Variants in MSN observed in about 807,000 individuals in gnomAD.
MSN encodes epididymis luminal protein 70.
MSN carries 2 observed loss-of-function variants against 48.0 expected under a neutral mutation model. That is an observed-to-expected ratio of 0.04 (90% confidence interval 0.02 to 0.13). MSN has a LOEUF of 0.13. Among genes scored for constraint, MSN ranks in the 10% least tolerant of loss-of-function variants. The pLI, the probability that MSN is intolerant of heterozygous loss-of-function variation, is 1.00. For missense variants in MSN, 267 were observed against 470.1 expected, an observed-to-expected ratio of 0.57 and a Z score of 3.99; for synonymous variants, 146 against 166.9, an observed-to-expected ratio of 0.87 and a Z score of 0.97.
intron 4 of MSN, among the ~76,000 whole-genome samples, chrX:65,730,066 C>A (rs2071608015): frequency 9.0e-6 from 1 of 111,607 alleles, no homozygotes. Context: ...ATCAGAAGTT[C>A]ACAGGGGAGA....
chrX:65,728,116 G>T (rs1359007724), intron 3 of MSN, among the ~76,000 whole-genome samples: 1 of 111,414 alleles, frequency 9.0e-6, no homozygotes, highest in Admixed American at 9.5e-5. Context: ...TTCTAACAGC[G>T]ACAATGGCCA....
At position 65,740,730 on chromosome X, in the gene MSN, G is replaced by A. The variant is rs2071728929; in HGVS notation, c.*837G>A. ...ATTCCAGATCTGCAGTCACTTCGTG[G>A]GATCTGCCCCTCCCTGCTTCAATAC... On this transcript the variant is annotated 3_prime_UTR_variant, in exon 13 of 13. Transcript: ENST00000360270. 1 of 172,631 alleles carries A rather than the reference G, an allele frequency of 5.8e-6. No homozygotes were observed. Among genetic ancestry groups the A allele is most frequent in the South Asian group, 3.2e-4 (1 of 3,154 alleles). The allele number at this position is 172,631 out of a possible 1,213,427, so 14.2% of individuals were successfully genotyped here.
chrX:65,643,404 G>GA (rs1237408294), intron 1 of MSN, among the ~76,000 whole-genome samples: 1 of 110,583 alleles, frequency 9.0e-6, no homozygotes, highest in Non-Finnish European at 1.9e-5. Context: ...GCAAGAGTGG[G>GA]AGGAGACGTT....
chrX:65,619,416 C>A (rs377700061), intron 1 of MSN, among the ~76,000 whole-genome samples: 1 of 97,825 alleles, frequency 1.0e-5, no homozygotes, highest in Non-Finnish European at 1.9e-5. Context: ...TCTTTTTATT[C>A]TTTTTTCTCT....
At chrX:65,588,487 C>T (rs1183880347) in exon 1 of MSN, 4 of 700,349 alleles carry the variant, frequency 5.7e-6, no homozygotes, top group African/African-American at 2.3e-5. Context: ...CATGCAGGGG[C>T]AGCCATGAGC....
intron 1 of MSN, among the ~76,000 whole-genome samples, chrX:65,695,532 A>AAAAAAAAAAC (rs1407800960): frequency 9.3e-6 from 1 of 107,390 alleles, no homozygotes; most frequent in African/African-American, 3.4e-5. Context: ...AAAAAAAAAA[A>AAAAAAAAAAC]AACAAAGAAA....
chrX:65,684,361 G>A (rs750154113), intron 1 of MSN, among the ~76,000 whole-genome samples: 2 of 111,535 alleles, frequency 1.8e-5, no homozygotes, highest in African/African-American at 3.3e-5. Flanking sequence ...TGTCAAATCC[G>A]ATTTTAAAGT....
intron 1 of MSN, among the ~76,000 whole-genome samples, chrX:65,646,731 AGGTC>A (rs2070697136): frequency 2.7e-5 from 3 of 111,901 alleles, no homozygotes; most frequent in African/African-American, 9.7e-5. Flanking sequence ...TGATCACCTG[AGGTC>A]GGAAGTTCAA....
chrX:65,697,004 G>GAGCTTCATTTTTAC (rs2147480062), intron 1 of MSN, among the ~76,000 whole-genome samples: 1 of 110,981 alleles, frequency 9.0e-6, no homozygotes, highest in Admixed American at 9.6e-5. Context: ...TGAAGGCTGT[G>GAGCTTCATTTTTAC]AGCTAATGGC....
chrX:65,663,085 C>G (rs1364307876), upstream of MSN, among the ~76,000 whole-genome samples: 1 of 111,013 alleles, frequency 9.0e-6, no homozygotes, highest in Non-Finnish European at 1.9e-5. Context: ...TGCTGAAACC[C>G]TGTCTCTACT....
chrX:65,737,896 A>C (rs1352254205), intron 10 of MSN, among the ~76,000 whole-genome samples: 1 of 112,220 alleles, frequency 8.9e-6, no homozygotes, highest in Non-Finnish European at 1.9e-5. Context: ...GGCATTTGGC[A>C]TCCATACTTT....
chrX:65,681,231 C>T (rs1318542145), intron 1 of MSN, among the ~76,000 whole-genome samples: 1 of 111,645 alleles, frequency 9.0e-6, no homozygotes, highest in East Asian at 2.8e-4. Context: ...TTCTATGTGC[C>T]CACTGTACTT....
intron 1 of MSN, among the ~76,000 whole-genome samples, chrX:65,617,245 T>A (rs1480243947): frequency 9.1e-6 from 1 of 110,082 alleles, no homozygotes; most frequent in Non-Finnish European, 1.9e-5. Context: ...GAGGATTCCC[T>A]CTTTTTCTAT....
intron 1 of MSN, among the ~76,000 whole-genome samples, chrX:65,708,592 G>A (rs913844340): frequency 9.0e-6 from 1 of 111,049 alleles, no homozygotes. Flanking sequence ...CGTGCTTGGC[G>A]GGGTGTTTAA....
chrX:65,681,161 C>A (rs989104216), intron 1 of MSN, among the ~76,000 whole-genome samples: 8 of 111,398 alleles, frequency 7.2e-5, no homozygotes, highest in South Asian at 3.8e-4. Flanking sequence ...ATCTCCCCCC[C>A]ACTCCATGTC....
chrX:65,627,849 G>A (rs1289223341), intron 1 of MSN, among the ~76,000 whole-genome samples: 2 of 112,175 alleles, frequency 1.8e-5, no homozygotes, highest in Admixed American at 9.4e-5. Flanking sequence ...AGATACAATG[G>A]TAGTACAGGT....
chrX:65,588,412 G>GA, exon 1 of MSN: 1 of 285,503 alleles, frequency 3.5e-6, no homozygotes, highest in Non-Finnish European at 5.1e-6. Flanking sequence ...GAGGCGCCCG[G>GA]AAAACCTTAG....
upstream of MSN, among the ~76,000 whole-genome samples, chrX:65,662,803 A>G (rs1304146594): frequency 8.9e-6 from 1 of 112,493 alleles, no homozygotes; most frequent in African/African-American, 3.2e-5. Flanking sequence ...AATTAAACTA[A>G]AGAGTTTCTG....
chrX:65,660,120 A>G (rs950489722), intron 1 of MSN, among the ~76,000 whole-genome samples: 3 of 111,942 alleles, frequency 2.7e-5, no homozygotes, highest in Non-Finnish European at 1.9e-5. Context: ...CGTAACTGAG[A>G]TGAGTCCCTG....
Sources: gnomAD v4.1 joint callset for allele counts (sites outside exome capture counted in the v4.1 genomes callset) on GRCh38, gnomAD v4.1.1 for gene constraint, MANE v1.5 for transcripts, NCBI Gene and HGNC (gene_info 2026-07-23, HGNC 2026-07-21) for gene names.